Variants in PHF8 observed in about 807,000 individuals in gnomAD.
PHF8 encodes the protein histone lysine demethylase PHF8.
Under a neutral mutation model 74.4 loss-of-function variants are expected in PHF8, and 9 were observed. The ratio of observed to expected loss-of-function variants is 0.12; its 90% confidence interval spans 0.07 to 0.21. The LOEUF (loss-of-function observed/expected upper bound fraction) is 0.21, where lower values mean the gene tolerates loss of function less well. PHF8 is among the 10% of genes least tolerant of loss of function. The pLI, the probability that PHF8 is intolerant of heterozygous loss-of-function variation, is 1.00. For synonymous variants in PHF8, 311 were observed against 316.6 expected (o/e 0.98, Z 0.19); for missense variants, 478 against 816.6 (o/e 0.59, Z 5.05).
At chrX:53,971,761 A>C (rs968379748) in intron 18 of PHF8, among the ~76,000 whole-genome samples, 2 of 111,075 alleles carry the variant, frequency 1.8e-5, no homozygotes, top group Admixed American at 9.6e-5. Context: ...GGACACATAC[A>C]CCCTCCGAAG....
intron 12 of PHF8, chrX:53,995,029 G>A (rs2065724421): frequency 7.2e-6 from 2 of 277,679 alleles, no homozygotes; most frequent in South Asian, 7.3e-5. Context: ...AATCCTGAAA[G>A]GTTGATGTTA....
intron 2 of PHF8, among the ~76,000 whole-genome samples, chrX:54,034,196 G>A (rs1208121451): frequency 9.0e-6 from 1 of 111,468 alleles, no homozygotes; most frequent in Non-Finnish European, 1.9e-5. Context: ...CAACCTACAG[G>A]ACTACAACAA....
chrX:54,027,371 C>G (rs1054155481), intron 2 of PHF8, among the ~76,000 whole-genome samples: 2 of 111,198 alleles, frequency 1.8e-5, no homozygotes, highest in African/African-American at 6.5e-5. Context: ...TAAGTAACAG[C>G]TGTACATGGT....
chrX:53,974,260 C>T (rs374227835), intron 18 of PHF8, among the ~76,000 whole-genome samples: 212 of 108,811 alleles, frequency 1.9e-3, no homozygotes, highest in African/African-American at 6.2e-3. Flanking sequence ...AGCGAGACTC[C>T]GTCTCAAAAA....
intron 1 of PHF8, 144 bp downstream of exon 1, chrX:54,043,618 C>T (rs1163039032): frequency 8.1e-6 from 1 of 123,247 alleles, no homozygotes; most frequent in Non-Finnish European, 1.6e-5. Flanking sequence ...AGCAAGGATT[C>T]TTTTGCATCG....
chrX:54,027,660 G>A (rs2146474630), intron 2 of PHF8, among the ~76,000 whole-genome samples: 1 of 111,047 alleles, frequency 9.0e-6, no homozygotes, highest in East Asian at 2.8e-4. Context: ...TGCCAACCCT[G>A]TACACTCTCC....
At chrX:53,949,811 CAAAAAAAA>C (rs11353359) in intron 19 of PHF8, among the ~76,000 whole-genome samples, 4 of 24,349 alleles carry the variant, frequency 1.6e-4, no homozygotes, top group East Asian at 1.3e-3. Flanking sequence ...GACTCCGTCT[CAAAAAAAA>C]AAAAAAAAAA....
chrX:53,989,509 G>GA (rs1187866367), intron 14 of PHF8, among the ~76,000 whole-genome samples: 1,341 of 98,915 alleles, frequency 0.014, 9 homozygotes, highest in Middle Eastern at 0.026. Flanking sequence ...CAGTCAAAAA[G>GA]AAAAAAAAAA....
At chrX:53,941,220 G>A (rs2064746256) in intron 20 of PHF8, among the ~76,000 whole-genome samples, 1 of 112,496 alleles carries the variant, frequency 8.9e-6, no homozygotes, top group South Asian at 3.7e-4. Context: ...AATAATATCT[G>A]CTTTTTAGGA....
intron 8 of PHF8, among the ~76,000 whole-genome samples, chrX:54,006,386 G>T (rs1308508954): frequency 9.0e-6 from 1 of 110,507 alleles, no homozygotes; most frequent in Non-Finnish European, 1.9e-5. Context: ...GGAGGCTGAG[G>T]TGGGAGGATT....
At chrX:54,045,325 C>A (rs2066624927), upstream of PHF8, 1 of 123,885 alleles carries the variant, frequency 8.1e-6, no homozygotes, top group Admixed American at 9.2e-5. Context: ...TTTTCTCAAA[C>A]ATTCTAGAAA....
At chrX:54,036,536 C>T (rs1472812178) in intron 2 of PHF8, among the ~76,000 whole-genome samples, 14 of 80,228 alleles carry the variant, frequency 1.7e-4, no homozygotes, top group African/African-American at 7.4e-4. Context: ...CCTGCCTCTG[C>T]AGTACCGCCT....
intron 20 of PHF8, chrX:53,942,859 G>A: frequency 2.7e-6 from 2 of 750,734 alleles, no homozygotes; most frequent in Non-Finnish European, 1.6e-6. Flanking sequence ...GAGTATTGCA[G>A]TGCACTATGG....
intron 20 of PHF8, among the ~76,000 whole-genome samples, chrX:53,941,199 A>G (rs1285728038): frequency 1.8e-5 from 2 of 112,786 alleles, no homozygotes; most frequent in Admixed American, 9.4e-5. Flanking sequence ...CCTCATCTAT[A>G]AAACAGGTAA....
At chrX:53,955,557 C>CTTTTT (rs369969712) in intron 19 of PHF8, among the ~76,000 whole-genome samples, 14 of 72,929 alleles carry the variant, frequency 1.9e-4, no homozygotes, top group Admixed American at 3.7e-4. Flanking sequence ...CTCTTCTTTT[C>CTTTTT]TTTTTTTTTT....
At chrX:53,958,937 CAG>C (rs782350138) in intron 19 of PHF8, among the ~76,000 whole-genome samples, 28 of 110,124 alleles carry the variant, frequency 2.5e-4, no homozygotes, top group Non-Finnish European at 4.4e-4. Context: ...AGTAAATAAT[CAG>C]AGATATAAAC....
chrX:54,019,960 G>A (rs1243925142), intron 4 of PHF8, among the ~76,000 whole-genome samples: 2 of 109,167 alleles, frequency 1.8e-5, no homozygotes, highest in African/African-American at 6.7e-5. Flanking sequence ...CAAGGCGGGT[G>A]GATCACCTGA....
chrX:53,940,574 G>A, intron 20 of PHF8, 58 bp from the exon 21 acceptor site: 1 of 835,103 alleles, frequency 1.2e-6, no homozygotes, highest in Middle Eastern at 3.2e-4. Flanking sequence ...AAGTTCCCAG[G>A]AAAGGAACTA....
intron 18 of PHF8, among the ~76,000 whole-genome samples, chrX:53,974,011 G>C (rs1171754669): frequency 9.0e-6 from 1 of 111,417 alleles, no homozygotes; most frequent in Non-Finnish European, 1.9e-5. Flanking sequence ...TGTAATCTCA[G>C]CACTTTGGGG....
Sources: gnomAD v4.1 joint callset for allele counts (sites outside exome capture counted in the v4.1 genomes callset) on GRCh38, gnomAD v4.1.1 for gene constraint, MANE v1.5 for transcripts, NCBI Gene and HGNC (gene_info 2026-07-23, HGNC 2026-07-21) for gene names.